ADK: variants seen among roughly 807,000 people sequenced by gnomAD.
ADK encodes the protein N6,N6-dimethyladenosine kinase.
Under a neutral mutation model 44.7 loss-of-function variants are expected in ADK, and 24 were observed. The ratio of observed to expected loss-of-function variants is 0.54; its 90% CI spans 0.39 to 0.76. The LOEUF is 0.76. Ranked by LOEUF, ADK falls within the 30% of genes least tolerant of loss-of-function variation. The pLI, the probability that ADK is intolerant of heterozygous loss-of-function variation, is 0.00. For missense variants in ADK, 321 were observed against 425.1 expected (o/e 0.76, Z 2.15); for synonymous variants, 128 against 142.6 (o/e 0.90, Z 0.73).
intron 3 of ADK, among the ~76,000 whole-genome samples, chr10:74,250,717 G>GGTA (rs1040725577): frequency 4.6e-5 from 7 of 152,086 alleles, no homozygotes; most frequent in Admixed American, 2.0e-4. Context: ...TCTCTTATAG[G>GGTA]GTAGTAGTAG....
In ADK at chr10:74,398,475, C is replaced by G. The variant is rs760579418; in HGVS notation, c.451C>G (p.Leu151Val). 3.1e-6 allele frequency: 5 copies of G among 1,607,332 alleles called. No homozygotes were observed. Among genetic ancestry groups the G allele is most frequent in the Non-Finnish European group, 3.4e-6 (4 of 1,174,732 alleles). ...AACITGDNRS[L>V]IANLAAANCY... ...CTTATTCTTTGGTTGTTTTAGGTCC[C>G]TCATAGCTAATCTTGCTGCTGCCAA... The change falls in exon 6 of 11, where the codon CTC (leucine) becomes GTC (valine). Residue 151 changes from leucine (L) to valine (V), a missense_variant. By Grantham distance (32) the Leu-to-Val change is conservative. Coordinates refer to ENST00000539909, the MANE Select transcript of ADK (RefSeq NM_006721.4).
chr10:74,228,306 G>A (rs1844625361), intron 3 of ADK, among the ~76,000 whole-genome samples: 1 of 152,058 alleles, frequency 6.6e-6, no homozygotes, highest in Admixed American at 6.6e-5. Context: ...AAGACCTTGG[G>A]GGATGATTTT....
chr10:74,348,307 C>A (rs1369479508), intron 4 of ADK, among the ~76,000 whole-genome samples: 1 of 152,098 alleles, frequency 6.6e-6, no homozygotes, highest in Non-Finnish European at 1.5e-5. Context: ...CTGGAGTGGA[C>A]TTAAAGCAAA....
intron 7 of ADK, among the ~76,000 whole-genome samples, chr10:74,567,691 T>C (rs549179207): frequency 7.8e-6 from 1 of 128,816 alleles, no homozygotes; most frequent in Non-Finnish European, 1.5e-5. Flanking sequence ...GTTTTTTTTG[T>C]TTTTTTTGTT....
At chr10:74,586,230 C>T (rs1851520984) in intron 7 of ADK, among the ~76,000 whole-genome samples, 1 of 152,110 alleles carries the variant, frequency 6.6e-6, no homozygotes, top group South Asian at 2.1e-4. Context: ...AATGGAGTGA[C>T]TTGGGGCACC....
At chr10:74,701,485 A>G (rs1278160387) in intron 10 of ADK, among the ~76,000 whole-genome samples, 1 of 152,240 alleles carries the variant, frequency 6.6e-6, no homozygotes, top group East Asian at 1.9e-4. Flanking sequence ...GGCATAGTAG[A>G]GCCCAGAACA....
intron 4 of ADK, among the ~76,000 whole-genome samples, chr10:74,365,116 A>T (rs1420145752): frequency 1.3e-5 from 2 of 152,180 alleles, no homozygotes; most frequent in Non-Finnish European, 2.9e-5. Context: ...AAAACTTTTA[A>T]ACTGATTTAA....
chr10:74,310,109 A>C (rs540703226), intron 3 of ADK, among the ~76,000 whole-genome samples: 1 of 152,204 alleles, frequency 6.6e-6, no homozygotes, highest in African/African-American at 2.4e-5. Flanking sequence ...TGTCCTTCCA[A>C]TTCTGTCAGG....
At chr10:74,235,394 G>T (rs1209244260) in intron 3 of ADK, among the ~76,000 whole-genome samples, 1 of 152,006 alleles carries the variant, frequency 6.6e-6, no homozygotes, top group Non-Finnish European at 1.5e-5. Context: ...GAGTTGAGTG[G>T]CATGATCATA....
chr10:74,285,345 T>G (rs1847121380), intron 3 of ADK, among the ~76,000 whole-genome samples: 1 of 152,146 alleles, frequency 6.6e-6, no homozygotes, highest in Admixed American at 6.5e-5. Flanking sequence ...TTGTGAATAG[T>G]CTTTGTACAG....
chr10:74,166,000 T>C (rs1191639282), intron 1 of ADK, among the ~76,000 whole-genome samples: 1 of 152,176 alleles, frequency 6.6e-6, no homozygotes, highest in Non-Finnish European at 1.5e-5. Context: ...CAGGCTGGAG[T>C]GCAGTGGCCT....
chr10:74,280,684 A>G (rs1462832123), intron 3 of ADK, among the ~76,000 whole-genome samples: 1 of 152,170 alleles, frequency 6.6e-6, no homozygotes, highest in Non-Finnish European at 1.5e-5. Context: ...ACTGCTGTTT[A>G]TAATTCAGCT....
intron 6 of ADK, among the ~76,000 whole-genome samples, chr10:74,514,782 T>A (rs1294567246): frequency 6.6e-6 from 1 of 152,184 alleles, no homozygotes; most frequent in African/African-American, 2.4e-5. Context: ...TGTTACTAGA[T>A]AATTATTGTT....
chr10:74,209,955 C>T (rs1843747428), intron 2 of ADK, among the ~76,000 whole-genome samples: 1 of 151,730 alleles, frequency 6.6e-6, no homozygotes, highest in Non-Finnish European at 1.5e-5. Context: ...TTTCCTGACA[C>T]TAGATAAATA....
At chr10:74,288,216 T>C (rs991543238) in intron 3 of ADK, among the ~76,000 whole-genome samples, 5 of 152,120 alleles carry the variant, frequency 3.3e-5, no homozygotes, top group Non-Finnish European at 7.4e-5. Context: ...TAAAATTCAA[T>C]ATTCAAATTG....
chr10:74,660,558 C>T (rs1002805483), intron 9 of ADK, among the ~76,000 whole-genome samples: 5 of 149,732 alleles, frequency 3.3e-5, no homozygotes, highest in Non-Finnish European at 7.4e-5. Context: ...GGCAACATGA[C>T]GAAAACTCTT....
At chr10:74,394,372 A>G (rs879369993) in intron 5 of ADK, 59 bp downstream of exon 5, 57 of 1,511,100 alleles carry the variant, frequency 3.8e-5, no homozygotes, top group Non-Finnish European at 5.0e-5. Flanking sequence ...CTGGTAAAAT[A>G]TGAATTCCAA....
intron 6 of ADK, among the ~76,000 whole-genome samples, chr10:74,406,911 C>T (rs1244246827): frequency 1.3e-5 from 2 of 151,516 alleles, no homozygotes; most frequent in Non-Finnish European, 2.9e-5. Flanking sequence ...GAACTCCTGA[C>T]CTCATGATCT....
intron 6 of ADK, among the ~76,000 whole-genome samples, chr10:74,428,390 G>C (rs531093249): frequency 6.6e-6 from 1 of 152,180 alleles, no homozygotes; most frequent in African/African-American, 2.4e-5. Context: ...TAAAAAGTAA[G>C]ATAAGTTGTT....
Sources: gnomAD v4.1 joint callset for allele counts (sites outside exome capture counted in the v4.1 genomes callset) on GRCh38, gnomAD v4.1.1 for gene constraint, MANE v1.5 for transcripts, NCBI Gene and HGNC (gene_info 2026-07-23, HGNC 2026-07-21) for gene names.